ARHGEF38: variants seen among roughly 807,000 people sequenced by gnomAD.
ARHGEF38 encodes the protein Rho guanine nucleotide exchange factor 38, also known as Rho guanine nucleotide exchange factor (GEF) 38.
A neutral mutation model predicts 79.9 loss-of-function variants in ARHGEF38; 79 were observed. That is an observed-to-expected ratio of 0.99 (90% CI 0.82 to 1.19). The LOEUF is 1.19. Among genes scored for constraint, ARHGEF38 ranks in the 50% most tolerant of loss-of-function variants. The pLI is 0.00. For missense variants in ARHGEF38, 962 were observed against 907.2 expected (o/e 1.06, Z -0.78); for synonymous variants, 366 against 328.3 (o/e 1.11, Z -1.24).
intron 4 of ARHGEF38, among the ~76,000 whole-genome samples, chr4:105,634,559 A>G (rs1010382135): frequency 4.6e-5 from 7 of 152,136 alleles, no homozygotes; most frequent in Non-Finnish European, 8.8e-5. Context: ...AATGTGAAAG[A>G]TAGCGTGGCT....
Position 105,667,646 on chromosome 4 carries a change from T to C in ARHGEF38, c.2091T>C (p.Cys697=), listed in dbSNP as rs776850988. Residue 697 remains cysteine, a synonymous_variant, in exon 13 of 14, where the codon TGT becomes TGC. Coordinates refer to ENST00000420470, the MANE Select transcript of ARHGEF38 (RefSeq NM_001242729.2). ...GDSSSSLSGT[C]GKFETNGTDV... is the part of the protein sequence containing the mutation. ...GCAGCTCATCTCTTAGTGGCACATG[T>C]GGAAAGTTTGAAACAAATGGTACTG... 5.9e-6 allele frequency: 9 copies of C among 1,536,356 alleles called. No individual in the cohort carries two copies. The African/African-American group carries it at 9.6e-5, about 16-fold the overall frequency.
rs758626509 is a variant in ARHGEF38 at position 105,680,142 on chromosome 4, G to A, written c.*2205G>A. 29 of 656,012 alleles carry A rather than the reference G, an allele frequency of 4.4e-5. No homozygotes were observed. Among genetic ancestry groups the A allele is most frequent in the Non-Finnish European group, 7.7e-5 (27 of 349,798 alleles). 40.6% of individuals were successfully genotyped at this position (656,012 alleles called of 1,614,324 possible). A position where few individuals can be genotyped will look rare whatever the true frequency, so the allele number is the denominator to read the frequency against. ...AAGGAGGAAATTGAGGACCTCACATGGAGGGACTGGAATTTAAAACCAGGT... is the reference window on the plus strand; with the variant it reads ...AAGGAGGAAATTGAGGACCTCACATAGAGGGACTGGAATTTAAAACCAGGT... On this transcript the variant is annotated 3_prime_UTR_variant, in exon 14 of 14. Coordinates refer to ENST00000420470, the MANE Select transcript of ARHGEF38 (RefSeq NM_001242729.2).
At chr4:105,670,563 T>G (rs1416668727) in intron 13 of ARHGEF38, among the ~76,000 whole-genome samples, 1 of 152,174 alleles carries the variant, frequency 6.6e-6, no homozygotes, top group Non-Finnish European at 1.5e-5. Flanking sequence ...GATATATAAT[T>G]TGCAAATATT....
intron 1 of ARHGEF38, among the ~76,000 whole-genome samples, chr4:105,559,307 T>A (rs1267844694): frequency 6.6e-6 from 1 of 152,164 alleles, no homozygotes; most frequent in Non-Finnish European, 1.5e-5. Context: ...GCTCCAACAT[T>A]TGCTTGGACC....
intron 2 of ARHGEF38, among the ~76,000 whole-genome samples, chr4:105,600,112 G>T (rs1271538662): frequency 1.3e-5 from 2 of 152,282 alleles, no homozygotes; most frequent in East Asian, 1.9e-4. Flanking sequence ...AGTGCCTATT[G>T]CATGCAGTGC....
At chr4:105,618,184 T>C (rs971068582) in intron 3 of ARHGEF38, among the ~76,000 whole-genome samples, 1 of 152,254 alleles carries the variant, frequency 6.6e-6, no homozygotes, top group African/African-American at 2.4e-5. Flanking sequence ...GCTTATAAAG[T>C]ATTTTCTCAG....
chr4:105,580,522 G>T (rs1206154427), intron 1 of ARHGEF38, among the ~76,000 whole-genome samples: 4 of 152,064 alleles, frequency 2.6e-5, no homozygotes, highest in African/African-American at 9.7e-5. Flanking sequence ...TAATTGTGTG[G>T]TTCTGGGCAA....
intron 3 of ARHGEF38, among the ~76,000 whole-genome samples, chr4:105,629,627 AT>A (rs1435204440): frequency 1.6e-5 from 2 of 126,252 alleles, no homozygotes; most frequent in Non-Finnish European, 3.2e-5. Flanking sequence ...CCTGTCACAT[AT>A]TGCTTGGATA....
chr4:105,570,239 C>T (rs966945286), intron 1 of ARHGEF38: 7 of 152,100 alleles, frequency 4.6e-5, no homozygotes, highest in Admixed American at 1.3e-4. Flanking sequence ...ATTTTAAAAA[C>T]TGGTAAATAA....
At chr4:105,604,375 T>C (rs1727952596) in intron 2 of ARHGEF38, among the ~76,000 whole-genome samples, 1 of 152,214 alleles carries the variant, frequency 6.6e-6, no homozygotes, top group Non-Finnish European at 1.5e-5. Context: ...GTAATTCCTG[T>C]GTTACTACTC....
rs1725596698 is a variant in ARHGEF38, at chr4:105,561,480, GAATAGAATAGAATAGAATA to G, written c.196+8520_196+8538del. On this transcript the variant is annotated intron_variant, in intron 1 of 13. Coordinates refer to ENST00000420470, the MANE Select transcript of ARHGEF38 (RefSeq NM_001242729.2). The stretch of plus-strand genomic sequence containing the variant: ...GAATAGAATAGAATAGAATAGAATA[GAATAGAATAGAATAGAATA>G]GAATAGAATAGAATAGAATAGAATA... 2.2e-5 allele frequency: 3 copies of G among 134,194 alleles called. 1 individual carries two copies. Among genetic ancestry groups the G allele is most frequent in the African/African-American group, 5.7e-5 (2 of 34,822 alleles). 8.3% of individuals were successfully genotyped at this position (134,194 alleles called of 1,614,324 possible).
intron 1 of ARHGEF38, among the ~76,000 whole-genome samples, chr4:105,573,542 G>C (rs1012504982): frequency 2.0e-5 from 3 of 152,032 alleles, no homozygotes; most frequent in African/African-American, 7.2e-5. Context: ...GACCATATAT[G>C]CAAGGATTTA....
intron 1 of ARHGEF38, among the ~76,000 whole-genome samples, chr4:105,576,294 CTGTT>C (rs1177324460): frequency 7.2e-5 from 11 of 151,796 alleles, no homozygotes; most frequent in Admixed American, 2.6e-4. Context: ...GAATGTGTTT[CTGTT>C]TGTTTGTGTC....
chr4:105,662,016 T>C (rs1315996664), intron 10 of ARHGEF38, among the ~76,000 whole-genome samples: 1 of 152,128 alleles, frequency 6.6e-6, no homozygotes, highest in Non-Finnish European at 1.5e-5. Context: ...TAAAGACGTA[T>C]GTAATTTTGC....
chr4:105,637,583 T>C (rs1207781097), intron 5 of ARHGEF38, among the ~76,000 whole-genome samples: 1 of 152,152 alleles, frequency 6.6e-6, no homozygotes, highest in South Asian at 2.1e-4. Flanking sequence ...TGGCTCTGCC[T>C]CATTATACAG....
chr4:105,607,900 G>A (rs1728120621), intron 2 of ARHGEF38, among the ~76,000 whole-genome samples: 1 of 151,964 alleles, frequency 6.6e-6, no homozygotes, highest in African/African-American at 2.4e-5. Context: ...TCACAGACAA[G>A]TTCTCCACAA....
chr4:105,580,223 G>T (rs1726719120), intron 1 of ARHGEF38, among the ~76,000 whole-genome samples: 1 of 152,046 alleles, frequency 6.6e-6, no homozygotes, highest in Non-Finnish European at 1.5e-5. Flanking sequence ...CTTCTATTCA[G>T]CTCTGATTTT....
chr4:105,630,014 C>T (rs1030018585), intron 3 of ARHGEF38, among the ~76,000 whole-genome samples: 2 of 152,056 alleles, frequency 1.3e-5, no homozygotes, highest in African/African-American at 4.8e-5. Context: ...GAAATTTCAC[C>T]TTCTGTGTCT....
chr4:105,597,938 A>G (rs180858271), intron 2 of ARHGEF38, among the ~76,000 whole-genome samples: 71 of 152,210 alleles, frequency 4.7e-4, no homozygotes, highest in African/African-American at 1.5e-3. Flanking sequence ...TTAAATACAC[A>G]TGTAAAATTT....
Sources: gnomAD v4.1 joint callset for allele counts (sites outside exome capture counted in the v4.1 genomes callset) on GRCh38, gnomAD v4.1.1 for gene constraint, MANE v1.5 for transcripts, NCBI Gene and HGNC (gene_info 2026-07-23, HGNC 2026-07-21) for gene names.